FOXN3: variants seen among roughly 807,000 people sequenced by gnomAD.
FOXN3 encodes forkhead box N3.
A neutral mutation model predicts 38.4 loss-of-function variants in FOXN3; 7 were observed. That is an observed-to-expected ratio of 0.18 (90% CI 0.10 to 0.34). The LOEUF (loss-of-function observed/expected upper bound fraction) is 0.34. Among genes scored for constraint, FOXN3 ranks in the 10% least tolerant of loss-of-function variants. The pLI, the probability that FOXN3 is intolerant of heterozygous loss-of-function variation, is 1.00. For missense variants in FOXN3, 456 were observed against 613.4 expected, an observed-to-expected ratio of 0.74 and a Z score of 2.71; for synonymous variants, 230 against 242.2, an observed-to-expected ratio of 0.95 and a Z score of 0.47.
intron 1 of FOXN3, among the ~76,000 whole-genome samples, chr14:89,488,471 C>T (rs376607496): frequency 1.3e-5 from 2 of 151,908 alleles, no homozygotes; most frequent in Non-Finnish European, 2.9e-5. Flanking sequence ...CGGGGCAAAA[C>T]CCCATCTCTA....
chr14:89,370,879 A>G (rs941463059), intron 2 of FOXN3, among the ~76,000 whole-genome samples: 2 of 152,220 alleles, frequency 1.3e-5, no homozygotes, highest in Admixed American at 1.3e-4. Flanking sequence ...GAAACTTGTA[A>G]GTACACAGAA....
chr14:89,389,131 A>C, intron 2 of FOXN3, among the ~76,000 whole-genome samples: 1 of 152,158 alleles, frequency 6.6e-6, no homozygotes, highest in Non-Finnish European at 1.5e-5. Flanking sequence ...AGGGGAACTT[A>C]CAGGCCCGTT....
At chr14:89,524,584 G>A (rs1326261742) in intron 1 of FOXN3, among the ~76,000 whole-genome samples, 1 of 151,526 alleles carries the variant, frequency 6.6e-6, no homozygotes, top group African/African-American at 2.4e-5. Flanking sequence ...GAAAAAAGGA[G>A]AGAATACAAC....
intron 4 of FOXN3, among the ~76,000 whole-genome samples, chr14:89,225,127 C>CA (rs35426984): frequency 0.011 from 1,116 of 102,196 alleles, 33 homozygotes; most frequent in African/African-American, 0.035. Flanking sequence ...GACTCCATCT[C>CA]AAAAAAAAAA....
chr14:89,317,887 T>C (rs569414206), intron 3 of FOXN3, among the ~76,000 whole-genome samples: 1 of 149,764 alleles, frequency 6.7e-6, no homozygotes, highest in Non-Finnish European at 1.5e-5. Flanking sequence ...AACCCTACTG[T>C]GAACTGCACA....
intron 1 of FOXN3, among the ~76,000 whole-genome samples, chr14:89,535,204 CT>C (rs11455930): frequency 8.1e-4 from 117 of 145,016 alleles, no homozygotes; most frequent in African/African-American, 1.0e-3. Context: ...TTTCTTTCCT[CT>C]TTTTTTTTTT....
chr14:89,618,839 G>T (rs1896542908), intron 1 of FOXN3, among the ~76,000 whole-genome samples: 1 of 151,212 alleles, frequency 6.6e-6, no homozygotes, highest in Non-Finnish European at 1.5e-5. Context: ...ACTTGCCATG[G>T]CTGGATCTTT....
rs145148994 is a variant in FOXN3 at position 89,394,499 on chromosome 14, G to A, written c.543+17435C>T. On this transcript the variant is annotated intron_variant, in intron 2 of 5. Coordinates refer to ENST00000557258, the MANE Select transcript of FOXN3 (RefSeq NM_005197.4). ...TGTGATTACGGGTGTGAGCCACTGC[G>A]CCCAGTCTCAACTTTCTAATACATG... is the stretch of plus-strand genomic sequence containing the variant. Among the ~76,000 whole-genome samples the A allele has an allele frequency of 2.5e-3, 385 of 152,202 alleles. 3 individuals are homozygous for A. The highest frequency in any genetic ancestry group is 9.0e-3 in the African/African-American group (374 of 41,504).
intron 5 of FOXN3, among the ~76,000 whole-genome samples, chr14:89,171,417 C>T (rs560946212): frequency 2.0e-5 from 3 of 152,226 alleles, no homozygotes; most frequent in Admixed American, 2.0e-4. Flanking sequence ...GCCTCAACTC[C>T]TTTTCTGAGG....
rs1332227505 is a variant in FOXN3 at position 89,159,329 on chromosome 14, A to C, written c.*3085T>G. 1.3e-5 allele frequency: 2 copies of C among 152,658 alleles called. No individual in the cohort carries two copies. The highest frequency in any genetic ancestry group is 2.1e-4 in the South Asian group (1 of 4,828). 9.5% of individuals were successfully genotyped at this position (152,658 alleles called of 1,614,324 possible). On this transcript the variant is annotated 3_prime_UTR_variant, in exon 6 of 6. Transcript: ENST00000557258. ...TAATGTGTATGCCTCCAAAAACAGA[A>C]GAAAAATAGGAAGAAGTACCCTCAC...
rs1455043908 is a variant in FOXN3, at chr14:89,448,407, T to C, written c.-14-35917A>G. ...GCTCACTGGGAAGTCAGCAGGACCATGTCAGCAAGGAAGAGGCTCGAACAC... is the reference window on the plus strand; with the variant it reads ...GCTCACTGGGAAGTCAGCAGGACCACGTCAGCAAGGAAGAGGCTCGAACAC... On this transcript the variant is annotated intron_variant, in intron 1 of 6. Coordinates refer to the FOXN3 transcript ENST00000345097. Among the ~76,000 whole-genome samples the C allele has an allele frequency of 2.6e-5, 4 of 151,968 alleles. No individual in the cohort carries two copies. The East Asian group carries it at 5.8e-4, about 22-fold the overall frequency.
At chr14:89,432,773 T>G (rs936795222) in intron 1 of FOXN3, among the ~76,000 whole-genome samples, 7 of 152,212 alleles carry the variant, frequency 4.6e-5, no homozygotes, top group African/African-American at 9.7e-5. Flanking sequence ...TTGGGGTTTT[T>G]GGGAGGGAGT....
chr14:89,247,340 T>G (rs1596129388), intron 4 of FOXN3, among the ~76,000 whole-genome samples: 1 of 152,300 alleles, frequency 6.6e-6, no homozygotes, highest in South Asian at 2.1e-4. Context: ...GCCTGGGGAC[T>G]AAGAAAATTT....
At chr14:89,313,923 C>A (rs564969510) in intron 3 of FOXN3, among the ~76,000 whole-genome samples, 8 of 152,158 alleles carry the variant, frequency 5.3e-5, no homozygotes, top group African/African-American at 1.7e-4. Flanking sequence ...ATATGAGGTA[C>A]CCAGAGTAGT....
intron 4 of FOXN3, among the ~76,000 whole-genome samples, chr14:89,257,065 C>T (rs1885645659): frequency 6.6e-6 from 1 of 152,220 alleles, no homozygotes; most frequent in Non-Finnish European, 1.5e-5. Flanking sequence ...AGCTGGAAAA[C>T]AAACCCCTCC....
At chr14:89,277,115 G>A (rs560067068) in intron 4 of FOXN3, among the ~76,000 whole-genome samples, 1 of 152,282 alleles carries the variant, frequency 6.6e-6, no homozygotes, top group South Asian at 2.1e-4. Flanking sequence ...GAGGGGGACA[G>A]GGAGTTTGGA....
chr14:89,367,230 T>A (rs1214502660), intron 2 of FOXN3, among the ~76,000 whole-genome samples: 1 of 152,160 alleles, frequency 6.6e-6, no homozygotes, highest in Admixed American at 6.5e-5. Context: ...AGCCACAGCA[T>A]CCGGCCAACC....
intron 4 of FOXN3, among the ~76,000 whole-genome samples, chr14:89,278,990 C>T (rs1261269904): frequency 2.0e-5 from 3 of 151,924 alleles, no homozygotes; most frequent in Non-Finnish European, 4.4e-5. Context: ...GAACCACCCA[C>T]CAAAGGACAC....
chr14:89,202,906 A>G (rs1888272031), intron 4 of FOXN3, among the ~76,000 whole-genome samples: 1 of 152,058 alleles, frequency 6.6e-6, no homozygotes, highest in South Asian at 2.1e-4. Context: ...AATACAAAAA[A>G]ACCCCACAGA....
Sources: allele counts gnomAD v4.1 joint callset (sites outside exome capture counted in the v4.1 genomes callset), GRCh38; gene constraint gnomAD v4.1.1; transcripts MANE v1.5; gene names NCBI Gene and HGNC (gene_info 2026-07-23, HGNC 2026-07-21).